Variants in METTL16 observed in about 807,000 individuals in gnomAD.
METTL16 encodes the protein RNA N(6)-adenosine-methyltransferase METTL16.
In METTL16, 19 loss-of-function variants were observed where a neutral mutation model predicts 57.9. The ratio of observed to expected loss-of-function variants is 0.33; its 90% CI spans 0.23 to 0.48. The LOEUF is 0.48. METTL16 is among the 20% of genes least tolerant of loss of function. The pLI is 0.99. For missense variants in METTL16, 434 were observed against 691.5 expected, an observed-to-expected ratio of 0.63 and a Z score of 4.18; for synonymous variants, 246 against 255.6, an observed-to-expected ratio of 0.96 and a Z score of 0.36.
intron 7 of METTL16, among the ~76,000 whole-genome samples, chr17:2,439,132 C>T (rs1418622675): frequency 2.0e-5 from 3 of 151,974 alleles, no homozygotes; most frequent in Non-Finnish European, 2.9e-5. Flanking sequence ...TTTGGGGAGA[C>T]AGGGTCTCGC....
At chr17:2,484,505 T>C (rs557313173) in intron 2 of METTL16, among the ~76,000 whole-genome samples, 2 of 152,250 alleles carry the variant, frequency 1.3e-5, no homozygotes, top group South Asian at 4.1e-4. Flanking sequence ...GTTCTTTTTT[T>C]TTTTTTGAGA....
At chr17:2,483,130 A>G (rs562255546) in intron 2 of METTL16, among the ~76,000 whole-genome samples, 1 of 152,206 alleles carries the variant, frequency 6.6e-6, no homozygotes, top group Non-Finnish European at 1.5e-5. Context: ...GACAAAACCA[A>G]CTAATTACAA....
chr17:2,452,848 T>C (rs780141511), intron 6 of METTL16, among the ~76,000 whole-genome samples: 11 of 152,056 alleles, frequency 7.2e-5, no homozygotes, highest in Non-Finnish European at 1.5e-4. Context: ...TTGTTTTTTG[T>C]TTTTGTTTTT....
chr17:2,464,792 A>G (rs1338593374), intron 5 of METTL16, among the ~76,000 whole-genome samples: 1 of 152,226 alleles, frequency 6.6e-6, no homozygotes, highest in Non-Finnish European at 1.5e-5. Context: ...AACTAAAAGG[A>G]AAAGCTAAAA....
At chr17:2,492,505 A>G (rs2067406310) in intron 2 of METTL16, among the ~76,000 whole-genome samples, 1 of 152,178 alleles carries the variant, frequency 6.6e-6, no homozygotes, top group African/African-American at 2.4e-5. Context: ...TAGTCATTCT[A>G]CACAACTGCT....
At chr17:2,502,710 G>A (rs115697395) in intron 1 of METTL16, among the ~76,000 whole-genome samples, 2,611 of 152,036 alleles carry the variant, frequency 0.017, 62 homozygotes, top group African/African-American at 0.058. Flanking sequence ...AATCAGTGGG[G>A]AAAGCTGTGG....
intron 2 of METTL16, among the ~76,000 whole-genome samples, chr17:2,487,921 A>T (rs2151573651): frequency 6.6e-6 from 1 of 151,962 alleles, no homozygotes; most frequent in South Asian, 2.1e-4. Context: ...CAGGAGGATC[A>T]CTCAGCACAG....
At chr17:2,485,835 A>G (rs1044528772) in intron 2 of METTL16, among the ~76,000 whole-genome samples, 3 of 152,174 alleles carry the variant, frequency 2.0e-5, no homozygotes, top group Non-Finnish European at 4.4e-5. Flanking sequence ...CTGTAAAACT[A>G]TAACTGCGAC....
chr17:2,474,705 C>T (rs886941502), intron 3 of METTL16, among the ~76,000 whole-genome samples: 3 of 152,206 alleles, frequency 2.0e-5, no homozygotes, highest in African/African-American at 7.2e-5. Context: ...GCAGGCGGAC[C>T]ACCTGAGGTC....
chr17:2,498,144 AG>A (rs2067459951), intron 2 of METTL16, among the ~76,000 whole-genome samples: 1 of 149,670 alleles, frequency 6.7e-6, no homozygotes, highest in Non-Finnish European at 1.5e-5. Context: ...CAGTGAGCCG[AG>A]ATCGCGCCAC....
chr17:2,503,519 A>G (rs2067505761), intron 1 of METTL16, among the ~76,000 whole-genome samples: 7 of 152,228 alleles, frequency 4.6e-5, no homozygotes, highest in African/African-American at 1.7e-4. Flanking sequence ...ATGGGTCAAC[A>G]AAATACAGTA....
intron 1 of METTL16, among the ~76,000 whole-genome samples, chr17:2,507,704 A>C (rs527603340): frequency 1.3e-5 from 2 of 152,230 alleles, no homozygotes; most frequent in Non-Finnish European, 2.9e-5. Flanking sequence ...GGTGGGGAAA[A>C]GATTGAGAAA....
intron 8 of METTL16, among the ~76,000 whole-genome samples, chr17:2,431,895 A>G (rs1237433833): frequency 3.9e-5 from 6 of 152,152 alleles, no homozygotes; most frequent in Admixed American, 3.9e-4. Context: ...CAATAATAAC[A>G]AGGAGAAATA....
At chr17:2,454,754 G>C (rs1268640604) in intron 6 of METTL16, among the ~76,000 whole-genome samples, 1 of 151,050 alleles carries the variant, frequency 6.6e-6, no homozygotes, top group Non-Finnish European at 1.5e-5. Context: ...AGTAGAGACA[G>C]GGTTTCATCA....
intron 1 of METTL16, among the ~76,000 whole-genome samples, chr17:2,509,139 G>A (rs1257850356): frequency 6.6e-6 from 1 of 152,180 alleles, no homozygotes; most frequent in African/African-American, 2.4e-5. Context: ...ACTACTGGGT[G>A]TGTAATTAAT....
intron 4 of METTL16, among the ~76,000 whole-genome samples, chr17:2,472,704 G>A (rs2067242920): frequency 1.3e-5 from 2 of 151,966 alleles, no homozygotes; most frequent in Admixed American, 1.3e-4. Context: ...AAAGACATTA[G>A]GAAATTTAAA....
Position 2,419,748 on chromosome 17 carries a change from T to C in METTL16, c.*222A>G. ...ACTGAGGGCTTTCTGTTGTTACTGA[T>C]GACCACAATTCCTCCTTGTAAATGA... On this transcript the variant is annotated 3_prime_UTR_variant, in exon 10 of 10. Coordinates refer to ENST00000263092, the MANE Select transcript of METTL16 (RefSeq NM_024086.4). 2.9e-6 allele frequency: 2 copies of C among 700,036 alleles called. No homozygotes were observed. Among genetic ancestry groups the C allele is most frequent in the Non-Finnish European group, 5.2e-6 (2 of 387,686 alleles). The allele number at this position is 700,036 out of a possible 1,614,324, so 43.4% of individuals were successfully genotyped here. A position where few individuals can be genotyped will look rare whatever the true frequency, so the allele number is the denominator to read the frequency against.
At chr17:2,483,584 A>C (rs1040876042) in intron 2 of METTL16, among the ~76,000 whole-genome samples, 2 of 152,224 alleles carry the variant, frequency 1.3e-5, no homozygotes, top group Non-Finnish European at 2.9e-5. Flanking sequence ...GGGTTAATCC[A>C]GGGGCAACAA....
chr17:2,430,289 TC>T (rs1204955633), intron 8 of METTL16, among the ~76,000 whole-genome samples: 1 of 151,676 alleles, frequency 6.6e-6, no homozygotes, highest in African/African-American at 2.4e-5. Flanking sequence ...TTTTTTTTTT[TC>T]ATAGAGACAG....
Sources: allele counts gnomAD v4.1 joint callset (sites outside exome capture counted in the v4.1 genomes callset), GRCh38; gene constraint gnomAD v4.1.1; transcripts MANE v1.5; gene names NCBI Gene and HGNC (gene_info 2026-07-23, HGNC 2026-07-21).